Variants in ATP11C observed in about 807,000 individuals in gnomAD.
The protein encoded by ATP11C is phospholipid-transporting ATPase IG.
A neutral mutation model predicts 97.4 loss-of-function variants in ATP11C; 36 were observed. The observed-to-expected ratio is 0.37, with a 90% confidence interval of 0.28 to 0.49. ATP11C has a LOEUF of 0.49. Among genes scored for constraint, ATP11C ranks in the 20% least tolerant of loss-of-function variants. The probability of loss-of-function intolerance (pLI) is 0.98; values close to 1 mark genes in which losing one functional copy is unlikely to be tolerated. For missense variants in ATP11C, 730 were observed against 824.6 expected (o/e 0.89, Z 1.40); for synonymous variants, 275 against 290.9 (o/e 0.95, Z 0.56).
chrX:139,848,319 T>G (rs771758819), intron 1 of ATP11C, among the ~76,000 whole-genome samples: 2 of 110,924 alleles, frequency 1.8e-5, no homozygotes, highest in Admixed American at 9.6e-5. Flanking sequence ...GTCCCAAAAC[T>G]CCTTTGCTTT....
intron 1 of ATP11C, among the ~76,000 whole-genome samples, chrX:139,864,903 A>C (rs757034547): frequency 1.8e-5 from 2 of 112,296 alleles, no homozygotes; most frequent in South Asian, 7.3e-4. Flanking sequence ...AGGGCTCTAA[A>C]GCTGGTAAAA....
chrX:139,737,221 C>A (rs142121848), intron 28 of ATP11C, among the ~76,000 whole-genome samples: 7 of 111,221 alleles, frequency 6.3e-5, no homozygotes, highest in African/African-American at 2.3e-4. Flanking sequence ...TGCTCATCTC[C>A]CTATTTCGCT....
intron 1 of ATP11C, among the ~76,000 whole-genome samples, chrX:139,898,552 CGTGGGGATGAGTAGAT>C (rs1289755193): frequency 3.6e-5 from 4 of 110,860 alleles, no homozygotes; most frequent in African/African-American, 1.3e-4. Flanking sequence ...GATGAGTAGA[CGTGGGGATGAGTAGAT>C]GTGGGCAACA....
chrX:139,847,782 C>A lies in ATP11C; in HGVS notation c.28-20959G>T, dbSNP rs185234491. On this transcript the variant is annotated intron_variant, in intron 1 of 29. Transcript: ENST00000682941. ...TCTCTATATCTTAACATCAGAAACC[C>A]TACCTTACAACCACCCACATTCCTT... Among the ~76,000 whole-genome samples, 22 of 110,190 alleles carry A rather than the reference C, an allele frequency of 2.0e-4. No individual in the cohort carries two copies. In the East Asian group the frequency reaches 6.1e-3, roughly 30 times the overall value.
intron 1 of ATP11C, among the ~76,000 whole-genome samples, chrX:139,834,065 A>G (rs2083708030): frequency 1.8e-5 from 2 of 112,263 alleles, no homozygotes; most frequent in South Asian, 7.5e-4. Context: ...TAAATGTTTT[A>G]TTTAAAGCAA....
chrX:139,897,406 G>A (rs993184944), intron 1 of ATP11C, among the ~76,000 whole-genome samples: 2 of 110,002 alleles, frequency 1.8e-5, no homozygotes, highest in Admixed American at 9.7e-5. Context: ...GAATTGGGCC[G>A]AGCGCAGAGG....
intron 1 of ATP11C, among the ~76,000 whole-genome samples, chrX:139,855,022 C>T (rs757615477): frequency 3.3e-4 from 37 of 111,912 alleles, no homozygotes; most frequent in African/African-American, 1.2e-3. Context: ...TATGGTCAGA[C>T]ATTAAAAATT....
At chrX:139,766,609 T>C (rs952576336) in intron 20 of ATP11C, among the ~76,000 whole-genome samples, 1 of 111,293 alleles carries the variant, frequency 9.0e-6, no homozygotes, top group Admixed American at 9.5e-5. Context: ...TGTGCATATG[T>C]GTGCGTGTGT....
chrX:139,774,973 C>G lies in ATP11C; in HGVS notation c.1953-20G>C, dbSNP rs373068887. On this transcript the variant is annotated intron_variant, in intron 18 of 29. Coordinates refer to ENST00000682941, the MANE Select transcript of ATP11C (RefSeq NM_001353812.2). ...TGTAGCCTGGGAACACAAAAGAAAC[C>G]TTGTGATCTTCTAAAACTCCTGACA... is the stretch of plus-strand genomic sequence containing the variant. 1.7e-6 allele frequency: 2 copies of G among 1,176,091 alleles called. No individual in the cohort carries two copies. The highest frequency in any genetic ancestry group is 2.3e-6 in the Non-Finnish European group (2 of 879,125).
At chrX:139,831,168 G>A (rs1379536272) in intron 1 of ATP11C, among the ~76,000 whole-genome samples, 1 of 111,489 alleles carries the variant, frequency 9.0e-6, no homozygotes, top group African/African-American at 3.3e-5. Context: ...CTCTCCTTTT[G>A]CCAAAGGAAG....
chrX:139,855,184 T>G (rs1280283003), intron 1 of ATP11C, among the ~76,000 whole-genome samples: 1 of 111,791 alleles, frequency 8.9e-6, no homozygotes. Flanking sequence ...GTCTAAAAAC[T>G]AATAAAAATA....
intron 1 of ATP11C, among the ~76,000 whole-genome samples, chrX:139,870,444 T>G (rs1224048464): frequency 1.8e-5 from 2 of 112,472 alleles, no homozygotes; most frequent in Non-Finnish European, 3.8e-5. Context: ...AACAGCAAAA[T>G]GTATAAACTT....
At chrX:139,864,138 T>C (rs2084246940) in intron 1 of ATP11C, among the ~76,000 whole-genome samples, 1 of 112,143 alleles carries the variant, frequency 8.9e-6, no homozygotes. Flanking sequence ...CTGAAACATA[T>C]GTGACCATAT....
chrX:139,786,605 T>G (rs915283637), intron 15 of ATP11C, among the ~76,000 whole-genome samples: 4 of 112,410 alleles, frequency 3.6e-5, no homozygotes, highest in African/African-American at 1.3e-4. Flanking sequence ...CAAGTTCAGA[T>G]GAGGAAATTC....
At chrX:139,731,016 T>C (rs1421885801) in intron 29 of ATP11C, among the ~76,000 whole-genome samples, 3 of 111,680 alleles carry the variant, frequency 2.7e-5, no homozygotes, top group African/African-American at 9.8e-5. Flanking sequence ...AGCATCCCCC[T>C]GAATGGCTAT....
At chrX:139,798,865 A>T in intron 8 of ATP11C, 122 bp from the exon 9 acceptor site, 2 of 491,838 alleles carry the variant, frequency 4.1e-6, no homozygotes, top group East Asian at 7.0e-5. Context: ...GTCTACTTAT[A>T]CCATATGCTT....
At chrX:139,754,010 C>A (rs1228644617) in intron 23 of ATP11C, among the ~76,000 whole-genome samples, 2 of 110,272 alleles carry the variant, frequency 1.8e-5, no homozygotes, top group Non-Finnish European at 3.8e-5. Context: ...TGCAAAAAAA[C>A]CATACAAAAG....
chrX:139,893,882 T>A (rs894903340), intron 1 of ATP11C, among the ~76,000 whole-genome samples: 3 of 109,243 alleles, frequency 2.7e-5, no homozygotes, highest in African/African-American at 1.0e-4. Flanking sequence ...GTAAAATGTA[T>A]TTACTTATAA....
At chrX:139,925,103 CAG>C (rs1193801910) in intron 1 of ATP11C, among the ~76,000 whole-genome samples, 1 of 111,415 alleles carries the variant, frequency 9.0e-6, no homozygotes, top group African/African-American at 3.3e-5. Context: ...AAAAGGTGAA[CAG>C]AGAGTGTGCC....
Sources: gnomAD v4.1 joint callset for allele counts (sites outside exome capture counted in the v4.1 genomes callset) on GRCh38, gnomAD v4.1.1 for gene constraint, MANE v1.5 for transcripts, NCBI Gene and HGNC (gene_info 2026-07-23, HGNC 2026-07-21) for gene names.